Variants in SEMA6A observed in about 807,000 individuals in gnomAD.
SEMA6A encodes semaphorin 6A.
A neutral mutation model predicts 96.8 loss-of-function variants in SEMA6A; 25 were observed. The ratio of observed to expected loss-of-function variants is 0.26; its 90% CI spans 0.19 to 0.36. SEMA6A has a LOEUF of 0.36. SEMA6A is among the 10% of genes least tolerant of loss of function. SEMA6A has a pLI of 1.00. For synonymous variants in SEMA6A, 612 were observed against 518.0 expected, an observed-to-expected ratio of 1.18 and a Z score of -2.46; for missense variants, 1,363 against 1,323.1, an observed-to-expected ratio of 1.03 and a Z score of -0.47.
chr5:116,527,151 C>A (rs1010366825), intron 1 of SEMA6A, among the ~76,000 whole-genome samples: 16 of 152,142 alleles, frequency 1.1e-4, no homozygotes, highest in African/African-American at 3.6e-4. Flanking sequence ...CTACTCCCGA[C>A]AATAAAGTTT....
chr5:116,467,689 C>A lies in SEMA6A; in HGVS notation c.1788G>T (p.Gly596=), dbSNP rs754004107. The change falls in exon 18 of 19, where the codon GGG becomes GGT. Residue 596 remains glycine (G), a synonymous_variant. Coordinates refer to ENST00000343348, the MANE Select transcript of SEMA6A (RefSeq NM_020796.5). ...TTTSDSTAQE[G]YESRGGMLDW... Reference sequence around the variant, plus strand: ...CCAGCATTCCTCCCCTAGACTCATACCCCTCTTGAGCCGTCGAATCTGATG... The same window carrying A: ...CCAGCATTCCTCCCCTAGACTCATAACCCTCTTGAGCCGTCGAATCTGATG... 6.2e-6 allele frequency: 10 copies of A among 1,613,698 alleles called. No homozygotes were observed. Among genetic ancestry groups the A allele is most frequent in the Admixed American group, 5.0e-5 (3 of 59,974 alleles).
At chr5:116,456,491 C>T (rs1015700903) in intron 18 of SEMA6A, among the ~76,000 whole-genome samples, 1 of 152,182 alleles carries the variant, frequency 6.6e-6, no homozygotes, top group South Asian at 2.1e-4. Context: ...CAAACACTTT[C>T]CCTTAGTATC....
intron 9 of SEMA6A, 92 bp downstream of exon 9, chr5:116,488,016 C>T: frequency 1.2e-6 from 1 of 802,418 alleles, no homozygotes; most frequent in Non-Finnish European, 2.0e-6. Flanking sequence ...ATTTATGGCT[C>T]TCATTTCAAG....
intron 10 of SEMA6A, among the ~76,000 whole-genome samples, chr5:116,484,091 G>A (rs1756923723): frequency 6.7e-6 from 1 of 149,178 alleles, no homozygotes; most frequent in South Asian, 2.1e-4. Flanking sequence ...AAAAAAGACA[G>A]TGATTCTCAT....
chr5:116,537,154 T>C (rs930774421), intron 1 of SEMA6A, among the ~76,000 whole-genome samples: 1 of 152,252 alleles, frequency 6.6e-6, no homozygotes, highest in South Asian at 2.1e-4. Flanking sequence ...CATGCACACA[T>C]AGAGACCCAC....
chr5:116,473,293 G>A (rs1267178480), intron 16 of SEMA6A, among the ~76,000 whole-genome samples, 200 bp from the exon 17 acceptor site: 2 of 152,194 alleles, frequency 1.3e-5, no homozygotes, highest in Admixed American at 6.5e-5. Flanking sequence ...CTTCCACCAA[G>A]TGAATTTCCT....
chr5:116,474,399 C>T (rs1228427181), intron 16 of SEMA6A, among the ~76,000 whole-genome samples: 2 of 152,012 alleles, frequency 1.3e-5, no homozygotes, highest in African/African-American at 2.4e-5. Context: ...TTCCCTGATA[C>T]GGATGAACGC....
chr5:116,527,510 G>T (rs531562603), intron 1 of SEMA6A, among the ~76,000 whole-genome samples: 22 of 152,080 alleles, frequency 1.4e-4, no homozygotes, highest in Non-Finnish European at 2.1e-4. Flanking sequence ...TACCCAATAA[G>T]CCATGAAAAG....
rs193078718 is a variant in SEMA6A at position 116,534,169 on chromosome 5, A to G, written c.-38-29187T>C. 2.6e-5 allele frequency among the ~76,000 whole-genome samples: 4 copies of G among 152,314 alleles called. No individual in the cohort carries two copies. The East Asian group carries it at 7.7e-4, about 29-fold the overall frequency. On this transcript the variant is annotated intron_variant, in intron 1 of 18. Transcript: ENST00000343348. ...CACCAAAACTACTTTCAAAAAGGCA[A>G]TCAGACTATCTACTGGATCCTATGG...
rs752388005 is a variant in SEMA6A, at chr5:116,502,236, C to G, written c.192G>C (p.Met64Ile). ...TAGCAGCAATGTAGAGGGTTCCGTT[C>G]ATGATCATAATCATCTGGATGTCCA... is the stretch of plus-strand genomic sequence containing the variant. The part of the protein sequence containing the change: ...HRLDIQMIMI[M>I]NGTLYIAARD... The change falls in exon 3 of 19, where the codon ATG becomes ATC. Residue 64 changes from methionine to isoleucine, a missense_variant. By Grantham distance (10) the Met-to-Ile change is conservative. Transcript: ENST00000343348. 4 of 1,613,794 alleles carry G rather than the reference C, an allele frequency of 2.5e-6. No homozygotes were observed. In the African/African-American group the frequency reaches 4.0e-5, roughly 16 times the overall value.
intron 5 of SEMA6A, 62 bp from the exon 6 acceptor site, chr5:116,495,576 T>C: frequency 8.2e-7 from 1 of 1,215,210 alleles, no homozygotes; most frequent in Non-Finnish European, 1.2e-6. Flanking sequence ...GATTCTTCAC[T>C]GTATGCCATG....
chr5:116,496,026 G>T, intron 5 of SEMA6A: 3 of 472,902 alleles, frequency 6.3e-6, no homozygotes, highest in Non-Finnish European at 1.1e-5. Flanking sequence ...TCCTGTGTGC[G>T]CCTAAGTAGT....
At chr5:116,474,278 GCA>G (rs113731062) in intron 16 of SEMA6A, among the ~76,000 whole-genome samples, 9,864 of 146,984 alleles carry the variant, frequency 0.067, 332 homozygotes, top group Admixed American at 0.098. Flanking sequence ...GTGCACGCAT[GCA>G]CACACACACA....
chr5:116,452,949 G>T (rs1754737446), intron 18 of SEMA6A, among the ~76,000 whole-genome samples: 1 of 152,228 alleles, frequency 6.6e-6, no homozygotes, highest in Non-Finnish European at 1.5e-5. Context: ...GCAAGTGCTT[G>T]CATACAACTC....
At chr5:116,461,455 G>C (rs1452462318) in intron 18 of SEMA6A, among the ~76,000 whole-genome samples, 1 of 147,762 alleles carries the variant, frequency 6.8e-6, no homozygotes, top group Non-Finnish European at 1.5e-5. Context: ...AAATTAGTAT[G>C]AGTTTTTTTT....
chr5:116,544,450 C>G (rs1488826573), intron 1 of SEMA6A, among the ~76,000 whole-genome samples: 1 of 151,838 alleles, frequency 6.6e-6, no homozygotes, highest in Admixed American at 6.6e-5. Flanking sequence ...GCCACCATGC[C>G]CAGCGAAATT....
chr5:116,562,400 T>C (rs911079988), intron 1 of SEMA6A, among the ~76,000 whole-genome samples: 3 of 152,236 alleles, frequency 2.0e-5, no homozygotes, highest in African/African-American at 7.2e-5. Context: ...ATATCTAACC[T>C]TTATCAGACC....
At chr5:116,545,093 C>T (rs1760128761) in intron 1 of SEMA6A, among the ~76,000 whole-genome samples, 1 of 152,166 alleles carries the variant, frequency 6.6e-6, no homozygotes, top group African/African-American at 2.4e-5. Flanking sequence ...CCTGCTCTGA[C>T]CTAAGTCACC....
intron 2 of SEMA6A, among the ~76,000 whole-genome samples, chr5:116,504,502 A>G (rs993410177): frequency 5.9e-5 from 9 of 152,210 alleles, no homozygotes; most frequent in African/African-American, 2.2e-4. Flanking sequence ...TATGAATTAT[A>G]TATAAAAGCG....
Sources: allele counts gnomAD v4.1 joint callset (sites outside exome capture counted in the v4.1 genomes callset), GRCh38; gene constraint gnomAD v4.1.1; transcripts MANE v1.5; gene names NCBI Gene and HGNC (gene_info 2026-07-23, HGNC 2026-07-21).